The following OR6C74 variants were observed in gnomAD, a reference collection of about 807,000 sequenced individuals.
OR6C74 encodes olfactory receptor family 6 subfamily C member 74, also known as olfactory receptor 6C74.
For synonymous variants in OR6C74, 142 were observed against 134.2 expected (o/e 1.06, Z -0.40); for missense variants, 361 against 362.9 (o/e 0.99, Z 0.04).
rs1300429569 is a variant in OR6C74 at position 55,248,535 on chromosome 12, C to T, written c.*309C>T. The stretch of plus-strand genomic sequence containing the variant: ...GACTTCAGTTTTTCCATGCTCTTTT[C>T]CACTCTTCTGGAATTCAAGGACCCA... On this transcript the variant is annotated 3_prime_UTR_variant, in exon 2 of 2. Transcript: ENST00000343399. Among the ~76,000 whole-genome samples the T allele has an allele frequency of 3.3e-5, 5 of 152,154 alleles. No homozygotes were observed. The highest frequency in any genetic ancestry group is 2.6e-4 in the Admixed American group (4 of 15,276).
Position 55,256,279 on chromosome 12 carries a change from G to A in OR6C74, c.*8053G>A, listed in dbSNP as rs534242224. Among the ~76,000 whole-genome samples, 1 of 152,082 alleles carries A rather than the reference G, an allele frequency of 6.6e-6. No homozygotes were observed. The highest frequency in any genetic ancestry group is 2.4e-5 in the African/African-American group (1 of 41,432). On this transcript the variant is annotated 3_prime_UTR_variant, in exon 2 of 2. Transcript: ENST00000343399. ...AAATGGACGCATTGGGGGGGCACCT[G>A]TTCATATGGATAAGATAGGGCTATA... is the stretch of plus-strand genomic sequence containing the variant.
Position 55,247,812 on chromosome 12 carries a change from C to T in OR6C74, c.525C>T (p.Phe175=), listed in dbSNP as rs1021857883. 1.9e-6 allele frequency: 3 copies of T among 1,613,892 alleles called. No individual in the cohort carries two copies. Among genetic ancestry groups the T allele is most frequent in the Admixed American group, 1.7e-5 (1 of 59,972 alleles). The part of the protein sequence containing the change: ...DFCAANTVDH[F]FCDVSPILQL... ...GTGCAGCCAACACTGTAGATCATTT[C>T]TTCTGTGATGTTTCTCCTATACTGC... The change falls in exon 2 of 2, where the codon TTC becomes TTT. Residue 175 remains phenylalanine (F), a synonymous_variant. Transcript: ENST00000343399.
chr12:55,249,976 A>G lies in OR6C74; in HGVS notation c.*1750A>G, dbSNP rs983835275. Among the ~76,000 whole-genome samples the G allele has an allele frequency of 2.6e-5, 4 of 151,922 alleles. No homozygotes were observed. Among genetic ancestry groups the G allele is most frequent in the Non-Finnish European group, 4.4e-5 (3 of 67,996 alleles). ...TGTGTCCAGGTGTTCTTATTGTTCA[A>G]TTCCCACCTATGAGTGACAACATGC... On this transcript the variant is annotated 3_prime_UTR_variant, in exon 2 of 2. Coordinates refer to ENST00000343399, the MANE Select transcript of OR6C74 (RefSeq NM_001005490.2).
In OR6C74 at chr12:55,248,807, A is replaced by C. The variant is rs1954293787; in HGVS notation, c.*581A>C. Among the ~76,000 whole-genome samples the C allele has an allele frequency of 6.6e-6, 1 of 152,226 alleles. No individual in the cohort carries two copies. Among genetic ancestry groups the C allele is most frequent in the Admixed American group, 6.5e-5 (1 of 15,280 alleles). ...AAAGAAACTTCAGAGAGGTTAAAGC[A>C]TTACTGCTATTGCAGCTATCATATA... is the stretch of plus-strand genomic sequence containing the variant. On this transcript the variant is annotated 3_prime_UTR_variant, in exon 2 of 2. Coordinates refer to ENST00000343399, the MANE Select transcript of OR6C74 (RefSeq NM_001005490.2).
Position 55,247,950 on chromosome 12 carries a change from G to C in OR6C74, c.663G>C (p.Arg221Ser). ...TTCTCTCCTACACAAATATTATCAG[G>C]ACTATTCTGAAAATACCTTCTTCTC... ...LVILSYTNII[R>S]TILKIPSSQQ... is the part of the protein sequence containing the mutation. Residue 221 changes from arginine (R) to serine (S), a missense_variant, in exon 2 of 2, where the codon AGG becomes AGC. Physicochemically the swap from Arg to Ser is moderately radical, Grantham distance 110. Coordinates refer to ENST00000343399, the MANE Select transcript of OR6C74 (RefSeq NM_001005490.2). 2.5e-6 allele frequency: 4 copies of C among 1,613,832 alleles called. No individual in the cohort carries two copies. Among genetic ancestry groups the C allele is most frequent in the Non-Finnish European group, 2.5e-6 (3 of 1,179,858 alleles).
intron 1 of OR6C74, among the ~76,000 whole-genome samples, chr12:55,246,486 C>G (rs1954270746): frequency 6.6e-6 from 1 of 152,184 alleles, no homozygotes; most frequent in Non-Finnish European, 1.5e-5. Flanking sequence ...TTCCAAGTAG[C>G]TGGGATTACA....
Position 55,255,811 on chromosome 12 carries a change from A to G in OR6C74, c.*7585A>G, listed in dbSNP as rs575829033. Among the ~76,000 whole-genome samples, 33 of 152,292 alleles carry G rather than the reference A, an allele frequency of 2.2e-4. 2 individuals are homozygous for G. The highest frequency in any genetic ancestry group is 2.1e-3 in the Admixed American group (32 of 15,286). Reference sequence around the variant, plus strand: ...AAACTAGGCAGACTTAAAAGGCTATAAATTATTTAATTTCATTTATATAAT... The same window carrying G: ...AAACTAGGCAGACTTAAAAGGCTATGAATTATTTAATTTCATTTATATAAT... On this transcript the variant is annotated 3_prime_UTR_variant, in exon 2 of 2. Coordinates refer to ENST00000343399, the MANE Select transcript of OR6C74 (RefSeq NM_001005490.2).
Position 55,253,149 on chromosome 12 carries a change from T to A in OR6C74, c.*4923T>A, listed in dbSNP as rs1372231886. Among the ~76,000 whole-genome samples the A allele has an allele frequency of 6.6e-6, 1 of 152,108 alleles. No homozygotes were observed. The highest frequency in any genetic ancestry group is 1.5e-5 in the Non-Finnish European group (1 of 67,972). ...TGTGCCAATAAATTCTTGTATTATC[T>A]ATTAATCCATAAACATTCATTCCCA... On this transcript the variant is annotated 3_prime_UTR_variant, in exon 2 of 2. Transcript: ENST00000343399.
chr12:55,255,006 AT>A lies in OR6C74; in HGVS notation c.*6789del, dbSNP rs903713021. ...ACATTTAATATTATGCTTGGTCTGG[AT>A]TTTTTTTTACAAAGTTGTTTTAATA... On this transcript the variant is annotated 3_prime_UTR_variant, in exon 2 of 2. Transcript: ENST00000343399. Among the ~76,000 whole-genome samples, 40 of 151,606 alleles carry A rather than the reference AT, an allele frequency of 2.6e-4. No individual in the cohort carries two copies. Among genetic ancestry groups the A allele is most frequent in the Admixed American group, 5.3e-4 (8 of 15,186 alleles).
rs1394423865 is a variant in OR6C74, at chr12:55,250,591, T to C, written c.*2365T>C. On this transcript the variant is annotated 3_prime_UTR_variant, in exon 2 of 2. Coordinates refer to ENST00000343399, the MANE Select transcript of OR6C74 (RefSeq NM_001005490.2). The stretch of plus-strand genomic sequence containing the variant: ...CTAGCAATCTGATTTATTGTGTAAA[T>C]ACCAGAGATCAGGGTCCATTATAGG... Among the ~76,000 whole-genome samples, 1 of 152,086 alleles carries C rather than the reference T, an allele frequency of 6.6e-6. No homozygotes were observed. Among genetic ancestry groups the C allele is most frequent in the Non-Finnish European group, 1.5e-5 (1 of 67,988 alleles).
In OR6C74 at chr12:55,252,863, T is replaced by C. The variant is rs894894094; in HGVS notation, c.*4637T>C. 3.3e-5 allele frequency among the ~76,000 whole-genome samples: 5 copies of C among 152,090 alleles called. No individual in the cohort carries two copies. The highest frequency in any genetic ancestry group is 5.9e-5 in the Non-Finnish European group (4 of 67,974). On this transcript the variant is annotated 3_prime_UTR_variant, in exon 2 of 2. Transcript: ENST00000343399. ...TTACATAAGAAATTCTGATTCTGTA[T>C]CTGATACAAGTTTTTAAATTATTAC...
rs985436099 is a variant in OR6C74 at position 55,256,508 on chromosome 12, C to T, written c.*8282C>T. On this transcript the variant is annotated 3_prime_UTR_variant, in exon 2 of 2. Coordinates refer to ENST00000343399, the MANE Select transcript of OR6C74 (RefSeq NM_001005490.2). ...GAAAGACTGTGTTTCTGTTTTAAGGCTCTGTTAGAAATTACTGATGCACAC... is the reference window on the plus strand; with the variant it reads ...GAAAGACTGTGTTTCTGTTTTAAGGTTCTGTTAGAAATTACTGATGCACAC... Among the ~76,000 whole-genome samples the T allele has an allele frequency of 2.0e-5, 3 of 152,074 alleles. No individual in the cohort carries two copies. The highest frequency in any genetic ancestry group is 7.2e-5 in the African/African-American group (3 of 41,422).
chr12:55,247,946 T>C lies in OR6C74; in HGVS notation c.659T>C (p.Ile220Thr). ...VLVILSYTNIIRTILKIPSSQ... is the reference protein window; with the variant it reads ...VLVILSYTNITRTILKIPSSQ... ...GTGATTCTCTCCTACACAAATATTA[T>C]CAGGACTATTCTGAAAATACCTTCT... The change falls in exon 2 of 2, where the codon ATC becomes ACC. Residue 220 changes from isoleucine to threonine, a missense_variant. Coordinates refer to ENST00000343399, the MANE Select transcript of OR6C74 (RefSeq NM_001005490.2). 2.5e-6 allele frequency: 4 copies of C among 1,614,066 alleles called. No homozygotes were observed. Among genetic ancestry groups the C allele is most frequent in the East Asian group, 2.2e-5 (1 of 44,866 alleles).
Position 55,250,439 on chromosome 12 carries a change from T to A in OR6C74, c.*2213T>A, listed in dbSNP as rs957106057. On this transcript the variant is annotated 3_prime_UTR_variant, in exon 2 of 2. Coordinates refer to ENST00000343399, the MANE Select transcript of OR6C74 (RefSeq NM_001005490.2). Reference sequence around the variant, plus strand: ...GACTTAACTACTTAGAATAGATGGATTTTTTTCTATTTCTAGGTTGTTTGT... The same window carrying A: ...GACTTAACTACTTAGAATAGATGGAATTTTTTCTATTTCTAGGTTGTTTGT... Among the ~76,000 whole-genome samples the A allele has an allele frequency of 6.6e-6, 1 of 152,072 alleles. No individual in the cohort carries two copies. The highest frequency in any genetic ancestry group is 1.5e-5 in the Non-Finnish European group (1 of 67,988).
rs1464737829 is a variant in OR6C74, at chr12:55,253,641, T to C, written c.*5415T>C. On this transcript the variant is annotated 3_prime_UTR_variant, in exon 2 of 2. Transcript: ENST00000343399. ...CTCTTATAAGTAAACACACTGGCATTTTATAGTCATTGTAATTAAGCTTAG... is the reference window on the plus strand; with the variant it reads ...CTCTTATAAGTAAACACACTGGCATCTTATAGTCATTGTAATTAAGCTTAG... Among the ~76,000 whole-genome samples the C allele has an allele frequency of 6.6e-6, 1 of 152,076 alleles. No individual in the cohort carries two copies. The highest frequency in any genetic ancestry group is 2.4e-5 in the African/African-American group (1 of 41,430).
Position 55,250,082 on chromosome 12 carries a change from C to T in OR6C74, c.*1856C>T, listed in dbSNP as rs879720253. Among the ~76,000 whole-genome samples the T allele has an allele frequency of 1.4e-4, 22 of 152,088 alleles. No individual in the cohort carries two copies. Among genetic ancestry groups the T allele is most frequent in the Admixed American group, 3.9e-4 (6 of 15,264 alleles). ...AATAATTATACTTTATAGATAATAA[C>T]GACACTCAAGAAAAGTTGACTCAAA... On this transcript the variant is annotated 3_prime_UTR_variant, in exon 2 of 2. Transcript: ENST00000343399.
Position 55,250,325 on chromosome 12 carries a change from T to C in OR6C74, c.*2099T>C, listed in dbSNP as rs1021231750. Among the ~76,000 whole-genome samples the C allele has an allele frequency of 2.0e-5, 3 of 152,066 alleles. No individual in the cohort carries two copies. The highest frequency in any genetic ancestry group is 3.9e-4 in the East Asian group (2 of 5,186). On this transcript the variant is annotated 3_prime_UTR_variant, in exon 2 of 2. Transcript: ENST00000343399. ...AATATATAGGTAAATCCATAAATCA[T>C]TGAATGTATATTAAAAACTTTTTCT...
rs1189006941 is a variant in OR6C74, at chr12:55,255,628, C to T, written c.*7402C>T. Among the ~76,000 whole-genome samples, 3 of 152,002 alleles carry T rather than the reference C, an allele frequency of 2.0e-5. No homozygotes were observed. The highest frequency in any genetic ancestry group is 6.6e-5 in the Admixed American group (1 of 15,236). On this transcript the variant is annotated 3_prime_UTR_variant, in exon 2 of 2. Coordinates refer to ENST00000343399, the MANE Select transcript of OR6C74 (RefSeq NM_001005490.2). ...CTATAAAATATACATCCATAAAAAA[C>T]GATGAGTTCATATCCTTTGCAGGGA...
rs1329183681 is a variant in OR6C74, at chr12:55,256,170, G to A, written c.*7944G>A. Among the ~76,000 whole-genome samples the A allele has an allele frequency of 2.1e-4, 32 of 152,076 alleles. No homozygotes were observed. Among genetic ancestry groups the A allele is most frequent in the Non-Finnish European group, 2.2e-4 (15 of 67,978 alleles). On this transcript the variant is annotated 3_prime_UTR_variant, in exon 2 of 2. Coordinates refer to ENST00000343399, the MANE Select transcript of OR6C74 (RefSeq NM_001005490.2). ...TACGAACGGACATGCAGTCAGGGAGGTTTCACATCACCAAGATTCCTGTCC... is the reference window on the plus strand; with the variant it reads ...TACGAACGGACATGCAGTCAGGGAGATTTCACATCACCAAGATTCCTGTCC...
Sources: allele counts gnomAD v4.1 joint callset (sites outside exome capture counted in the v4.1 genomes callset), GRCh38; gene constraint gnomAD v4.1.1; transcripts MANE v1.5; gene names NCBI Gene and HGNC (gene_info 2026-07-23, HGNC 2026-07-21).